NFIB: variants seen among roughly 807,000 people sequenced by gnomAD.
The protein encoded by NFIB is nuclear factor 1 B-type.
Under a neutral mutation model 61.5 loss-of-function variants are expected in NFIB, and 11 were observed. That is an observed-to-expected ratio of 0.18 (90% CI 0.11 to 0.30). NFIB has a LOEUF of 0.30. Among genes scored for constraint, NFIB ranks in the 10% least tolerant of loss-of-function variants. The pLI is 1.00. For missense variants in NFIB, 471 were observed against 608.9 expected (o/e 0.77, Z 2.38); for synonymous variants, 260 against 216.5 (o/e 1.20, Z -1.76).
At chr9:14,481,319 G>T in the NFIB span, among the ~76,000 whole-genome samples, 2 of 147,518 alleles carry the variant, frequency 1.4e-5, no homozygotes, top group African/African-American at 5.0e-5. Context: ...CATGTGCCTA[G>T]AGCAGCAACT....
the NFIB span, among the ~76,000 whole-genome samples, chr9:14,511,281 C>T: frequency 2.0e-5 from 3 of 151,564 alleles, no homozygotes; most frequent in Non-Finnish European, 4.4e-5. Flanking sequence ...ATGTTTATTG[C>T]TTCTTTAAAT....
intron 1 of NFIB, among the ~76,000 whole-genome samples, chr9:14,388,457 GAGAA>G (rs1438284010): frequency 6.7e-6 from 1 of 148,658 alleles, no homozygotes; most frequent in East Asian, 2.1e-4. Flanking sequence ...AGAAAAAAGA[GAGAA>G]AGAAAAAGAG....
At position 14,338,393 on chromosome 9, in the gene NFIB, CAAAAAA is replaced by C. The variant is rs35741300; in HGVS notation, c.109-30879_109-30874del. ...TGGGTGACAGAGCGAGACTCTGTCT[CAAAAAA>C]AAAAAAGAAAAGAAAAGAAAAGAAA... On this transcript the variant is annotated intron_variant, in intron 1 of 8. Transcript: ENST00000380934. Among the ~76,000 whole-genome samples, 395 of 148,442 alleles carry C rather than the reference CAAAAAA, an allele frequency of 2.7e-3. 7 individuals are homozygous for C. The highest frequency in any genetic ancestry group is 0.016 in the Admixed American group (245 of 14,950).
chr9:14,155,906 A>G lies in NFIB; in HGVS notation c.617-13T>C. ...TCCTCAAGGTAACCTGAAAATAAAT[A>G]TTAAAGGAAAAATGATCAATATAAG... On this transcript the variant is annotated splice_polypyrimidine_tract_variant and intron_variant, in intron 3 of 10. Transcript: ENST00000380953. 1 of 1,479,804 alleles carries G rather than the reference A, an allele frequency of 6.8e-7. No homozygotes were observed. 91.7% of individuals were successfully genotyped at this position (1,479,804 alleles called of 1,614,324 possible).
the NFIB span, among the ~76,000 whole-genome samples, chr9:14,410,811 C>T: frequency 3.3e-5 from 5 of 152,144 alleles, no homozygotes; most frequent in East Asian, 9.6e-4. Context: ...TGACCAAAGA[C>T]CCAGACCACA....
At chr9:14,439,649 G>A in the NFIB span, among the ~76,000 whole-genome samples, 1 of 152,124 alleles carries the variant, frequency 6.6e-6, no homozygotes, top group Non-Finnish European at 1.5e-5. Context: ...CCCCAGAAGT[G>A]GCCTGAGGTT....
the NFIB span, among the ~76,000 whole-genome samples, chr9:14,419,931 C>T: frequency 2.6e-5 from 4 of 152,138 alleles, no homozygotes; most frequent in African/African-American, 9.7e-5. Context: ...CTACAACATT[C>T]TTGTTTTGTA....
the NFIB span, among the ~76,000 whole-genome samples, chr9:14,515,799 C>T: frequency 9.8e-5 from 15 of 152,304 alleles, no homozygotes; most frequent in African/African-American, 3.6e-4. Context: ...AGCCTCTAGA[C>T]GATGCCAAAG....
intron 6 of NFIB, among the ~76,000 whole-genome samples, chr9:14,132,335 G>C (rs909021487): frequency 1.3e-5 from 2 of 152,014 alleles, no homozygotes; most frequent in African/African-American, 4.8e-5. Context: ...CTTGTAACTT[G>C]TAAACAAGTC....
At chr9:14,262,875 C>T (rs567714940) in intron 2 of NFIB, among the ~76,000 whole-genome samples, 1 of 152,186 alleles carries the variant, frequency 6.6e-6, no homozygotes, top group African/African-American at 2.4e-5. Context: ...TTTCTCTGGT[C>T]CTTTTTCTAG....
At chr9:14,190,890 G>C (rs1464225360) in intron 2 of NFIB, among the ~76,000 whole-genome samples, 1 of 152,140 alleles carries the variant, frequency 6.6e-6, no homozygotes, top group African/African-American at 2.4e-5. Flanking sequence ...AAAGAGAACA[G>C]TTTAAAATAC....
chr9:14,519,107 G>A, the NFIB span, among the ~76,000 whole-genome samples: 3 of 152,160 alleles, frequency 2.0e-5, no homozygotes, highest in African/African-American at 7.2e-5. Context: ...ATGGTGGGGT[G>A]CCTCTGTGAA....
chr9:14,305,549 T>A (rs2059973398), intron 2 of NFIB, among the ~76,000 whole-genome samples: 1 of 152,170 alleles, frequency 6.6e-6, no homozygotes, highest in Admixed American at 6.5e-5. Context: ...CTGTAATTCT[T>A]AAATGCATGG....
At chr9:14,150,437 C>T (rs11788568) in intron 4 of NFIB, among the ~76,000 whole-genome samples, 172 bp from the exon 5 acceptor site, 9,838 of 152,178 alleles carry the variant, frequency 0.065, 918 homozygotes, top group African/African-American at 0.21. Context: ...AACTTGCTCA[C>T]CTTAGCAACG....
At chr9:14,358,266 T>A (rs2061199571) in intron 1 of NFIB, among the ~76,000 whole-genome samples, 1 of 150,150 alleles carries the variant, frequency 6.7e-6, no homozygotes, top group African/African-American at 2.4e-5. Context: ...GAATTATATA[T>A]AAATACATAA....
intron 2 of NFIB, among the ~76,000 whole-genome samples, chr9:14,264,038 T>C (rs2056999167): frequency 6.6e-6 from 1 of 151,966 alleles, no homozygotes; most frequent in African/African-American, 2.4e-5. Flanking sequence ...AGGATTAGAG[T>C]TTTGTTTTGA....
chr9:14,388,689 C>T (rs115803015), intron 1 of NFIB, among the ~76,000 whole-genome samples: 10 of 151,922 alleles, frequency 6.6e-5, no homozygotes, highest in South Asian at 2.1e-4. Context: ...CCTCTGGAAA[C>T]GGAGGAGAGG....
chr9:14,322,782 C>A (rs2060694301), intron 1 of NFIB, among the ~76,000 whole-genome samples: 1 of 151,518 alleles, frequency 6.6e-6, no homozygotes, highest in Non-Finnish European at 1.5e-5. Context: ...CCCTCTCGAG[C>A]GTGGGTGGGT....
rs1237042033 is a variant in NFIB at position 14,216,530 on chromosome 9, CTCTCTCTCTCTCCCTCTGTGTGTGTGTG to C, written c.563-36778_563-36751del. 6.6e-3 allele frequency among the ~76,000 whole-genome samples: 359 copies of C among 54,566 alleles called. 2 individuals carry two copies. Among genetic ancestry groups the C allele is most frequent in the African/African-American group, 0.01 (223 of 22,228 alleles). 35.8% of individuals were successfully genotyped at this position (54,566 alleles called of 152,430 possible). On this transcript the variant is annotated intron_variant, in intron 2 of 10. Transcript: ENST00000380953. ...TCTCTCTCTCTCTCTCTCTCTCTCTCTCTCTCTCTCTCCCTCTGTGTGTGTGTGTGTGTGTGTGTGTGTGTGTGTGTGT... is the reference window on the plus strand; with the variant it reads ...TCTCTCTCTCTCTCTCTCTCTCTCTCTGTGTGTGTGTGTGTGTGTGTGTGT...
Sources: gnomAD v4.1 joint callset for allele counts (sites outside exome capture counted in the v4.1 genomes callset) on GRCh38, gnomAD v4.1.1 for gene constraint, MANE v1.5 for transcripts, NCBI Gene and HGNC (gene_info 2026-07-23, HGNC 2026-07-21) for gene names.